KCNT2: variants seen among roughly 807,000 people sequenced by gnomAD.
KCNT2 encodes potassium sodium-activated channel subfamily T member 2.
A neutral mutation model predicts 153.8 loss-of-function variants in KCNT2; 67 were observed. The observed-to-expected ratio is 0.44, with a 90% CI of 0.36 to 0.53. The LOEUF (loss-of-function observed/expected upper bound fraction) is 0.53, where lower values mean the gene tolerates loss of function less well. KCNT2 is among the 20% of genes least tolerant of loss of function. The probability of loss-of-function intolerance (pLI) is 0.00; values close to 1 mark genes in which losing one functional copy is unlikely to be tolerated. For synonymous variants in KCNT2, 500 were observed against 458.8 expected (o/e 1.09, Z -1.15); for missense variants, 975 against 1,354.8 (o/e 0.72, Z 4.40).
At chr1:196,500,354 A>G (rs115151964) in intron 1 of KCNT2, among the ~76,000 whole-genome samples, 514 of 151,828 alleles carry the variant, frequency 3.4e-3, no homozygotes, top group African/African-American at 0.012. Context: ...CATTCAAATA[A>G]TTTTAGTGAC....
rs151159880 is a variant in KCNT2, at chr1:196,521,330, C to T, written c.96-28989G>A. Among the ~76,000 whole-genome samples, 123 of 152,192 alleles carry T rather than the reference C, an allele frequency of 8.1e-4. 1 individual carries two copies. The East Asian group carries it at 0.017, about 21-fold the overall frequency. On this transcript the variant is annotated intron_variant, in intron 1 of 27. Transcript: ENST00000294725. ...TGGTGAGGTTGTGGAGAAAAGAGAA[C>T]GCTTATACATTGATGGTGGGAGTGT... is the stretch of plus-strand genomic sequence containing the variant.
At chr1:196,463,553 A>G (rs1677341107) in intron 8 of KCNT2, among the ~76,000 whole-genome samples, 1 of 151,764 alleles carries the variant, frequency 6.6e-6, no homozygotes, top group African/African-American at 2.4e-5. Context: ...CAGTTGTAAT[A>G]TTAGATAACA....
intron 15 of KCNT2, among the ~76,000 whole-genome samples, chr1:196,341,841 AAG>A (rs1331461327): frequency 6.6e-6 from 1 of 152,110 alleles, no homozygotes; most frequent in Non-Finnish European, 1.5e-5. Flanking sequence ...ATATTTTAAA[AAG>A]ACTTTAAAAG....
chr1:196,488,257 C>T (rs1026876775), intron 3 of KCNT2, among the ~76,000 whole-genome samples: 2 of 151,950 alleles, frequency 1.3e-5, no homozygotes, highest in Non-Finnish European at 2.9e-5. Context: ...TAATTAGCCT[C>T]ATTATTTTAA....
intron 14 of KCNT2, among the ~76,000 whole-genome samples, chr1:196,369,342 T>C (rs1364116154): frequency 5.3e-5 from 8 of 152,124 alleles, no homozygotes; most frequent in East Asian, 3.9e-4. Flanking sequence ...TTTATTATTA[T>C]ACTTTAAGTT....
intron 1 of KCNT2, among the ~76,000 whole-genome samples, chr1:196,575,196 ATGAC>A (rs926121204): frequency 5.9e-5 from 9 of 152,184 alleles, no homozygotes; most frequent in Non-Finnish European, 1.0e-4. Flanking sequence ...CTCCCTAACA[ATGAC>A]TGACTGATCT....
In KCNT2 at chr1:196,412,598, T is replaced by C. The variant is rs555692910; in HGVS notation, c.1185+10452A>G. Among the ~76,000 whole-genome samples the C allele has an allele frequency of 2.1e-4, 32 of 151,422 alleles. No homozygotes were observed. In the South Asian group the frequency reaches 6.0e-3, roughly 28 times the overall value. On this transcript the variant is annotated intron_variant, in intron 12 of 27. Coordinates refer to ENST00000294725, the MANE Select transcript of KCNT2 (RefSeq NM_198503.5). ...TATGACAAGACAATAGAATAGTGAG[T>C]GGTAAATAGAAGCTCTACAAATAAC...
intron 19 of KCNT2, among the ~76,000 whole-genome samples, chr1:196,320,997 A>AT (rs145815049): frequency 5.5e-4 from 79 of 143,578 alleles, no homozygotes; most frequent in Admixed American, 7.7e-4. Context: ...TTAAGCATTG[A>AT]TTTTTTTTTT....
intron 1 of KCNT2, among the ~76,000 whole-genome samples, chr1:196,561,874 G>A (rs1659460484): frequency 6.6e-6 from 1 of 151,772 alleles, no homozygotes; most frequent in African/African-American, 2.4e-5. Context: ...GGGAGTAAAG[G>A]AGGAGTCTCC....
chr1:196,309,487 A>T (rs796105236), intron 21 of KCNT2, among the ~76,000 whole-genome samples: 7 of 152,014 alleles, frequency 4.6e-5, no homozygotes, highest in African/African-American at 1.7e-4. Context: ...ATAAGACAAC[A>T]TAATTTACGT....
chr1:196,230,707 T>C (rs1653878192), intron 27 of KCNT2, among the ~76,000 whole-genome samples: 1 of 151,988 alleles, frequency 6.6e-6, no homozygotes, highest in African/African-American at 2.4e-5. Flanking sequence ...AGCCCAAAGA[T>C]GTGACTCAAC....
intron 4 of KCNT2, among the ~76,000 whole-genome samples, chr1:196,480,855 CAAAAAAAAAAAAA>C (rs372270510): frequency 3.7e-5 from 1 of 26,896 alleles, no homozygotes; most frequent in Non-Finnish European, 6.6e-5. Flanking sequence ...GACTTCGTCT[CAAAAAAAAAAAAA>C]AAAAAAAAAA....
intron 13 of KCNT2, among the ~76,000 whole-genome samples, chr1:196,379,446 C>G (rs1032428131): frequency 1.3e-5 from 2 of 152,014 alleles, no homozygotes; most frequent in Non-Finnish European, 2.9e-5. Context: ...GTTGTGCATG[C>G]CTGTCATCCC....
intron 8 of KCNT2, among the ~76,000 whole-genome samples, chr1:196,439,689 C>T (rs1675051162): frequency 6.6e-6 from 1 of 151,956 alleles, no homozygotes; most frequent in South Asian, 2.1e-4. Flanking sequence ...AGATATCCTC[C>T]ATCCATTTGG....
chr1:196,483,040 T>A (rs1049791696), intron 3 of KCNT2, among the ~76,000 whole-genome samples: 1 of 152,174 alleles, frequency 6.6e-6, no homozygotes, highest in South Asian at 2.1e-4. Context: ...CATCATTTAG[T>A]ACACAGTTGA....
chr1:196,466,452 A>T (rs1473961573), intron 7 of KCNT2, among the ~76,000 whole-genome samples: 1 of 152,052 alleles, frequency 6.6e-6, no homozygotes, highest in African/African-American at 2.4e-5. Context: ...CTAAAACGTT[A>T]TCCAAATATT....
At chr1:196,593,122 T>C (rs1422399588) in intron 1 of KCNT2, among the ~76,000 whole-genome samples, 2 of 150,808 alleles carry the variant, frequency 1.3e-5, no homozygotes, top group East Asian at 3.9e-4. Context: ...ATCATTCTTA[T>C]GCCTTTGCAT....
In KCNT2 at chr1:196,382,131, C is replaced by T. The variant is rs1669556064; in HGVS notation, c.1295-8883G>A. Among the ~76,000 whole-genome samples, 6 of 61,404 alleles carry T rather than the reference C, an allele frequency of 9.8e-5. No homozygotes were observed. The South Asian group carries it at 3.2e-3, about 32-fold the overall frequency. 40.3% of individuals were successfully genotyped at this position (61,404 alleles called of 152,430 possible). On this transcript the variant is annotated intron_variant, in intron 13 of 27. Transcript: ENST00000294725. The stretch of plus-strand genomic sequence containing the variant: ...TATTTATTTTTGAGATGGAGTCTCC[C>T]TCTGTCCCCCAGGCTGGAATGCAGT...
At chr1:196,326,951 A>AT in intron 18 of KCNT2, 62 bp from the exon 19 acceptor site, 1 of 888,150 alleles carries the variant, frequency 1.1e-6, no homozygotes. Context: ...TTTGGAGAAA[A>AT]TTTAAGCTAT....
Sources: gnomAD v4.1 joint callset for allele counts (sites outside exome capture counted in the v4.1 genomes callset) on GRCh38, gnomAD v4.1.1 for gene constraint, MANE v1.5 for transcripts, NCBI Gene and HGNC (gene_info 2026-07-23, HGNC 2026-07-21) for gene names.